The following CHL1 variants were observed in gnomAD, a reference collection of about 807,000 sequenced individuals.
CHL1 encodes neural cell adhesion molecule L1-like protein.
A neutral mutation model predicts 141.9 loss-of-function variants in CHL1; 96 were observed. That is an observed-to-expected ratio of 0.68 (90% CI 0.57 to 0.80). The LOEUF is 0.80. Ranked by LOEUF, CHL1 falls within the 30% of genes least tolerant of loss-of-function variation. CHL1 has a pLI of 0.00. For synonymous variants in CHL1, 613 were observed against 502.2 expected, an observed-to-expected ratio of 1.22 and a Z score of -2.95; for missense variants, 1,820 against 1,457.2, an observed-to-expected ratio of 1.25 and a Z score of -4.05.
chr3:376,874 G>A (rs933114565), intron 15 of CHL1, among the ~76,000 whole-genome samples: 35 of 152,078 alleles, frequency 2.3e-4, no homozygotes, highest in African/African-American at 7.5e-4. Flanking sequence ...TATTATTGGT[G>A]TAGGAATAAG....
At chr3:294,334 C>G (rs925255118) in intron 2 of CHL1, among the ~76,000 whole-genome samples, 10 of 152,044 alleles carry the variant, frequency 6.6e-5, no homozygotes, top group South Asian at 2.1e-4. Context: ...TAAATAGGTA[C>G]GTACATACCT....
At chr3:261,933 T>C (rs937941299) in intron 2 of CHL1, among the ~76,000 whole-genome samples, 4 of 151,388 alleles carry the variant, frequency 2.6e-5, no homozygotes, top group African/African-American at 9.7e-5. Flanking sequence ...TAAGCCCAGA[T>C]CTACACAGTA....
Position 366,034 on chromosome 3 carries a change from A to G in CHL1, c.1670A>G (p.Asp557Gly), listed in dbSNP as rs781240594. Residue 557 changes from aspartate (D) to glycine (G), a missense_variant, in exon 15 of 28, where the codon GAC (aspartate) becomes GGC (glycine). Physicochemically the swap from Asp to Gly is moderately conservative, Grantham distance 94 (BLOSUM62 -1). Coordinates refer to ENST00000256509, the MANE Select transcript of CHL1 (RefSeq NM_006614.4). ...GAATTACATTGTGAAAGCAAATGTG[A>G]CTCACATTTGAAACACAGTTTGAAG... The part of the protein sequence containing the change: ...MLELHCESKC[D>G]SHLKHSLKLS... 2.7e-5 allele frequency: 44 copies of G among 1,613,574 alleles called. No homozygotes were observed. The highest frequency in any genetic ancestry group is 3.3e-5 in the Non-Finnish European group (39 of 1,179,634).
chr3:382,290 C>T lies in CHL1; in HGVS notation c.1978+10C>T, dbSNP rs774715837. On this transcript the variant is annotated intron_variant, in intron 17 of 27. Transcript: ENST00000256509. ...AACAGCAATATTAGCGGTAGGAAGA[C>T]TTGGGATAACTGTTTTCATTACTCT... 2 of 1,607,774 alleles carry T rather than the reference C, an allele frequency of 1.2e-6. No individual in the cohort carries two copies. The highest frequency in any genetic ancestry group is 1.7e-6 in the Non-Finnish European group (2 of 1,174,664).
intron 2 of CHL1, among the ~76,000 whole-genome samples, chr3:263,584 G>A (rs987143381): frequency 2.6e-5 from 4 of 152,144 alleles, no homozygotes; most frequent in African/African-American, 7.2e-5. Context: ...ATTTGTCACT[G>A]CTCCAAATCA....
At chr3:255,249 G>C (rs899526807) in intron 2 of CHL1, among the ~76,000 whole-genome samples, 2 of 152,194 alleles carry the variant, frequency 1.3e-5, no homozygotes, top group Non-Finnish European at 2.9e-5. Flanking sequence ...TCAGTTGTTT[G>C]TAGTTAAAAA....
intron 9 of CHL1, among the ~76,000 whole-genome samples, chr3:347,649 TA>T (rs1345121754): frequency 6.6e-6 from 1 of 152,172 alleles, no homozygotes; most frequent in East Asian, 1.9e-4. Flanking sequence ...AATCCTGTTT[TA>T]GGGGAAGTGA....
At position 363,133 on chromosome 3, in the gene CHL1, C is replaced by T. The variant is rs959177817; in HGVS notation, c.1419-84C>T. ...TTCTGAGCTATTGAAAGGGGATTAG[C>T]CTGAATGACGTCACTGACTAGTATT... On this transcript the variant is annotated intron_variant, in intron 13 of 27. Transcript: ENST00000256509. 1.6e-5 allele frequency: 18 copies of T among 1,155,534 alleles called. No homozygotes were observed. The Admixed American group carries it at 2.4e-4, about 16-fold the overall frequency. The allele number at this position is 1,155,534 out of a possible 1,614,324, so 71.6% of individuals were successfully genotyped here.
chr3:348,407 T>TA (rs1252279972), intron 9 of CHL1, among the ~76,000 whole-genome samples: 2 of 152,192 alleles, frequency 1.3e-5, no homozygotes, highest in African/African-American at 4.8e-5. Context: ...CCTACTCACT[T>TA]ATAGAACCTG....
At position 408,121 on chromosome 3, in the gene CHL1, C is replaced by A. The variant is rs964429032; in HGVS notation, c.*2410C>A. On this transcript the variant is annotated 3_prime_UTR_variant, in exon 28 of 28. Coordinates refer to ENST00000256509, the MANE Select transcript of CHL1 (RefSeq NM_006614.4). The stretch of plus-strand genomic sequence containing the variant: ...AATCTAAGTCGGTTAAAATGGATTT[C>A]ATGATTTTCCCTCAGAAAATGAGTA... The A allele has an allele frequency of 6.6e-6, 1 of 152,076 alleles. No homozygotes were observed. The allele number at this position is 152,076 out of a possible 1,614,324, so 9.4% of individuals were successfully genotyped here.
chr3:265,000 C>T (rs973368562), intron 2 of CHL1, among the ~76,000 whole-genome samples: 1 of 152,218 alleles, frequency 6.6e-6, no homozygotes, highest in Non-Finnish European at 1.5e-5. Flanking sequence ...TGTTACATCA[C>T]GTCACTGGGA....
At chr3:328,395 G>A (rs1701174123) in intron 5 of CHL1, 41 bp downstream of exon 5, 5 of 1,519,808 alleles carry the variant, frequency 3.3e-6, no homozygotes, top group Non-Finnish European at 4.5e-6. Flanking sequence ...AAGTGTTTTA[G>A]TGAAGTGTTA....
intron 1 of CHL1, among the ~76,000 whole-genome samples, chr3:211,277 G>C (rs1248247038): frequency 6.6e-6 from 1 of 152,190 alleles, no homozygotes; most frequent in African/African-American, 2.4e-5. Context: ...TCGGGCTGCA[G>C]AGCTCCTATA....
rs1373756516 is a variant in CHL1, at chr3:405,602, G to A, written c.3566G>A (p.Gly1189Asp). 2 of 1,613,338 alleles carry A rather than the reference G, an allele frequency of 1.2e-6. No individual in the cohort carries two copies. Among genetic ancestry groups the A allele is most frequent in the African/African-American group, 1.3e-5 (1 of 74,866 alleles). ...SLVEYGEGDH[G>D]LFSEDGSFIG... ...GTCGAATACGGAGAGGGAGACCATG[G>A]TCTCTTCAGTGAAGATGGATCATTT... is the stretch of plus-strand genomic sequence containing the variant. The change falls in exon 28 of 28, where the codon GGT becomes GAT. Residue 1189 changes from glycine (G) to aspartate (D), a missense_variant. Coordinates refer to ENST00000256509, the MANE Select transcript of CHL1 (RefSeq NM_006614.4).
rs1464894650 is a variant in CHL1 at position 382,230 on chromosome 3, G to A, written c.1928G>A (p.Ser643Asn). 2 of 1,613,852 alleles carry A rather than the reference G, an allele frequency of 1.2e-6. No homozygotes were observed. The highest frequency in any genetic ancestry group is 3.3e-5 in the Admixed American group (2 of 59,992). ...CACTTGTCTGAAAGACAGAACAGGA[G>A]TGTTCGGCTGACCTGGGAAGCTGGA... ...NLHLSERQNR[S>N]VRLTWEAGAD... is the part of the protein sequence containing the mutation. The change falls in exon 17 of 28, where the codon AGT becomes AAT. Residue 643 changes from serine (S) to asparagine (N), a missense_variant. Transcript: ENST00000256509.
chr3:336,930 T>C (rs148409400), intron 5 of CHL1, among the ~76,000 whole-genome samples: 87 of 152,278 alleles, frequency 5.7e-4, no homozygotes, highest in African/African-American at 2.1e-3. Flanking sequence ...CCATGATGGA[T>C]TTCAACTGGG....
intron 8 of CHL1, among the ~76,000 whole-genome samples, chr3:344,152 A>G (rs1575120383): frequency 1.3e-5 from 2 of 152,184 alleles, no homozygotes; most frequent in South Asian, 4.1e-4. Context: ...TTCCTCAGTG[A>G]GAATTTCTGA....
In CHL1 at chr3:398,423, A is replaced by G. The variant is rs775725619; in HGVS notation, c.3253+38A>G. On this transcript the variant is annotated intron_variant, in intron 25 of 27. Transcript: ENST00000256509. Reference sequence around the variant, plus strand: ...ATTATATTTGGGGAAGTCTTAGTCAATCTATGTCCTGTAGAATACTTAGTG... The same window carrying G: ...ATTATATTTGGGGAAGTCTTAGTCAGTCTATGTCCTGTAGAATACTTAGTG... 8 of 1,382,934 alleles carry G rather than the reference A, an allele frequency of 5.8e-6. No homozygotes were observed. In the African/African-American group the frequency reaches 7.1e-5, roughly 12 times the overall value. 85.7% of individuals were successfully genotyped at this position (1,382,934 alleles called of 1,614,324 possible).
chr3:286,711 A>T (rs1449439854), intron 2 of CHL1, among the ~76,000 whole-genome samples: 1 of 152,054 alleles, frequency 6.6e-6, no homozygotes. Context: ...GCTTATACTT[A>T]TTGTTACTTA....
Sources: allele counts gnomAD v4.1 joint callset (sites outside exome capture counted in the v4.1 genomes callset), GRCh38; gene constraint gnomAD v4.1.1; transcripts MANE v1.5; gene names NCBI Gene and HGNC (gene_info 2026-07-23, HGNC 2026-07-21).